RALY: variants seen among roughly 807,000 people sequenced by gnomAD.
The protein encoded by RALY is RNA-binding protein Raly.
Under a neutral mutation model 30.7 loss-of-function variants are expected in RALY, and 15 were observed. That is an observed-to-expected ratio of 0.49 (90% CI 0.33 to 0.75). The LOEUF is 0.75. RALY is among the 30% of genes least tolerant of loss of function. The pLI is 0.02. For missense variants in RALY, 339 were observed against 414.3 expected (o/e 0.82, Z 1.58); for synonymous variants, 177 against 170.8 (o/e 1.04, Z -0.28).
chr20:34,044,897 T>C (rs1223973366), intron 2 of RALY, among the ~76,000 whole-genome samples: 1 of 152,196 alleles, frequency 6.6e-6, no homozygotes, highest in African/African-American at 2.4e-5. Context: ...AAACAAGGAC[T>C]GCCTTCATGG....
At chr20:34,049,131 C>T (rs1274064371) in intron 2 of RALY, 11 of 153,802 alleles carry the variant, frequency 7.2e-5, no homozygotes, top group African/African-American at 2.6e-4. Context: ...ATTCAGCTTT[C>T]CCTTCAGAGC....
intron 1 of RALY, among the ~76,000 whole-genome samples, chr20:33,999,860 C>T (rs955019160): frequency 4.6e-5 from 7 of 151,940 alleles, no homozygotes; most frequent in South Asian, 2.1e-4. Flanking sequence ...TCGGGTGGCA[C>T]GTGTCTAGGT....
intron 1 of RALY, among the ~76,000 whole-genome samples, chr20:34,003,085 G>A (rs1028416348): frequency 6.6e-6 from 1 of 152,068 alleles, no homozygotes; most frequent in African/African-American, 2.4e-5. Flanking sequence ...AGGCTCTCCT[G>A]GTTTTGAAGG....
rs368613664 is a variant in RALY at position 34,032,519 on chromosome 20, T to G, written c.-10+915T>G. ...ATCCCTTTTTGTGTGTTGGGGGGGG[T>G]TTTATTTTTGTTTTTGGGAGACAGG... is the stretch of plus-strand genomic sequence containing the variant. On this transcript the variant is annotated intron_variant, in intron 2 of 9. Transcript: ENST00000246194. 3.7e-3 allele frequency among the ~76,000 whole-genome samples: 551 copies of G among 150,822 alleles called. 2 individuals carry two copies. Among genetic ancestry groups the G allele is most frequent in the African/African-American group, 0.011 (464 of 40,980 alleles).
rs2034062673 is a variant in RALY, at chr20:34,083,623, A to G, written c.*3718A>G. On this transcript the variant is annotated 3_prime_UTR_variant, in exon 10 of 10. Transcript: ENST00000246194. ...GGAGTGCCTTTTGAGGATCTGCAGC[A>G]ATTTTCAGACTGTTTGGAAATACTG... 6.6e-6 allele frequency: 1 copy of G among 152,220 alleles called. No homozygotes were observed. Among genetic ancestry groups the G allele is most frequent in the Non-Finnish European group, 1.5e-5 (1 of 68,040 alleles). 9.4% of individuals were successfully genotyped at this position (152,220 alleles called of 1,614,324 possible). A position where few individuals can be genotyped will look rare whatever the true frequency, so the allele number is the denominator to read the frequency against.
At chr20:34,005,062 G>C (rs1394804443) in intron 1 of RALY, among the ~76,000 whole-genome samples, 21 of 152,202 alleles carry the variant, frequency 1.4e-4, no homozygotes, top group Admixed American at 1.4e-3. Context: ...CTTCCAGAGA[G>C]CAGCATTTTC....
At chr20:34,043,243 G>T (rs544407003) in intron 2 of RALY, among the ~76,000 whole-genome samples, 1 of 152,308 alleles carries the variant, frequency 6.6e-6, no homozygotes, top group East Asian at 1.9e-4. Flanking sequence ...TCACCCTCAG[G>T]ACCATCTTGG....
At chr20:34,012,356 T>A (rs1324189776) in intron 1 of RALY, among the ~76,000 whole-genome samples, 2 of 152,172 alleles carry the variant, frequency 1.3e-5, no homozygotes, top group Non-Finnish European at 2.9e-5. Flanking sequence ...TATTTTATTT[T>A]TTTTGCCTAG....
At chr20:34,054,136 G>A (rs1247297676) in intron 2 of RALY, among the ~76,000 whole-genome samples, 2 of 152,180 alleles carry the variant, frequency 1.3e-5, no homozygotes, top group Non-Finnish European at 2.9e-5. Flanking sequence ...ACAAACATCA[G>A]CTACACGGTT....
intron 2 of RALY, among the ~76,000 whole-genome samples, chr20:34,054,312 G>A (rs952505316): frequency 3.9e-5 from 6 of 152,188 alleles, no homozygotes; most frequent in African/African-American, 1.4e-4. Context: ...CCTTCAAGGA[G>A]TTCAGAATTT....
chr20:34,024,937 T>C (rs901629348), intron 1 of RALY, among the ~76,000 whole-genome samples: 3 of 152,146 alleles, frequency 2.0e-5, no homozygotes, highest in Non-Finnish European at 4.4e-5. Flanking sequence ...AAGCAAGCCT[T>C]ACAGAAGGGT....
intron 1 of RALY, among the ~76,000 whole-genome samples, chr20:34,023,189 C>T (rs983007077): frequency 3.9e-4 from 59 of 152,214 alleles, no homozygotes; most frequent in African/African-American, 1.4e-3. Flanking sequence ...CCTCATTTAT[C>T]TTCACTATTC....
intron 1 of RALY, among the ~76,000 whole-genome samples, chr20:33,997,139 G>C (rs1301004065): frequency 1.3e-5 from 2 of 151,838 alleles, no homozygotes; most frequent in Non-Finnish European, 2.9e-5. Flanking sequence ...TTTTGGAGAC[G>C]GAGTCTCACT....
At chr20:33,997,848 A>G (rs890560007) in intron 1 of RALY, among the ~76,000 whole-genome samples, 1 of 152,116 alleles carries the variant, frequency 6.6e-6, no homozygotes, top group African/African-American at 2.4e-5. Flanking sequence ...TGTCTCAGAG[A>G]TGGTTAATAG....
intron 1 of RALY, among the ~76,000 whole-genome samples, chr20:34,013,794 TC>T (rs2031503165): frequency 1.3e-5 from 2 of 152,224 alleles, no homozygotes; most frequent in Admixed American, 1.3e-4. Flanking sequence ...GCTACTTATC[TC>T]TATTTCCCTT....
chr20:34,004,720 C>G (rs1181264221), intron 1 of RALY, among the ~76,000 whole-genome samples: 2 of 152,142 alleles, frequency 1.3e-5, no homozygotes, highest in Non-Finnish European at 2.9e-5. Context: ...AGAAATTAAT[C>G]CAGTAAACAG....
intron 2 of RALY, among the ~76,000 whole-genome samples, chr20:34,035,467 G>A (rs1264381580): frequency 1.3e-5 from 2 of 152,074 alleles, no homozygotes; most frequent in Non-Finnish European, 2.9e-5. Flanking sequence ...GGACGTGTAG[G>A]CAGTGATCAG....
At chr20:34,068,914 T>G (rs1212642284) in intron 2 of RALY, among the ~76,000 whole-genome samples, 2 of 152,134 alleles carry the variant, frequency 1.3e-5, no homozygotes, top group Admixed American at 6.5e-5. Flanking sequence ...CATCCCACTT[T>G]CCAAAGGAGT....
chr20:34,062,624 G>A (rs1329878814), intron 2 of RALY, among the ~76,000 whole-genome samples: 6 of 152,210 alleles, frequency 3.9e-5, no homozygotes, highest in Admixed American at 2.6e-4. Context: ...GAGCTCCATC[G>A]GGGTTTCCAG....
Sources: allele counts gnomAD v4.1 joint callset (sites outside exome capture counted in the v4.1 genomes callset), GRCh38; gene constraint gnomAD v4.1.1; transcripts MANE v1.5; gene names NCBI Gene and HGNC (gene_info 2026-07-23, HGNC 2026-07-21).